The following PRCC variants were observed in gnomAD, a reference collection of about 807,000 sequenced individuals.
The protein encoded by PRCC is proline rich mitotic checkpoint control factor.
Under a neutral mutation model 44.0 loss-of-function variants are expected in PRCC, and 10 were observed. The observed-to-expected ratio is 0.23, with a 90% CI of 0.14 to 0.39. The LOEUF (loss-of-function observed/expected upper bound fraction) is 0.39, where lower values mean the gene tolerates loss of function less well. PRCC is among the 10% of genes least tolerant of loss of function. The pLI is 1.00. For synonymous variants in PRCC, 278 were observed against 259.5 expected, an observed-to-expected ratio of 1.07 and a Z score of -0.69; for missense variants, 573 against 624.7, an observed-to-expected ratio of 0.92 and a Z score of 0.88.
At position 156,798,615 on chromosome 1, in the gene PRCC, C is replaced by T. The variant is rs560201946; in HGVS notation, c.1389+1274C>T. Among the ~76,000 whole-genome samples, 129 of 152,054 alleles carry T rather than the reference C, an allele frequency of 8.5e-4. 1 individual carries two copies. Among genetic ancestry groups the T allele is most frequent in the South Asian group, 3.7e-3 (18 of 4,808 alleles). On this transcript the variant is annotated intron_variant, in intron 6 of 6. Coordinates refer to ENST00000271526, the MANE Select transcript of PRCC (RefSeq NM_005973.5). ...CTCACGCCTGTAATCCCAGCACTTT[C>T]GGAGGCTGAGGCGGGCGGATCACGA...
At chr1:156,795,821 T>G (rs1199920686) in intron 5 of PRCC, 2 of 152,266 alleles carry the variant, frequency 1.3e-5, no homozygotes, top group Non-Finnish European at 2.9e-5. Context: ...TGATGAACAT[T>G]TCTTCACCTA....
chr1:156,768,026 C>T lies in PRCC; in HGVS notation c.255C>T (p.Phe85=). ...PRLQPPPPLP[F]GLGGFPPPPG... ...TTCAGCCTCCTCCCCCCTTGCCCTT[C>T]GGCCTGGGAGGCTTCCCCCCACCTC... The change falls in exon 1 of 7, where the codon TTC becomes TTT. Residue 85 remains phenylalanine (F), a synonymous_variant. Coordinates refer to ENST00000271526, the MANE Select transcript of PRCC (RefSeq NM_005973.5). 1.9e-6 allele frequency: 3 copies of T among 1,571,020 alleles called. No individual in the cohort carries two copies. Among genetic ancestry groups the T allele is most frequent in the Non-Finnish European group, 1.7e-6 (2 of 1,156,886 alleles).
rs141836179 is a variant in PRCC, at chr1:156,781,023, C to T, written c.469-1259C>T. Among the ~76,000 whole-genome samples, 450 of 152,274 alleles carry T rather than the reference C, an allele frequency of 3.0e-3. 3 individuals are homozygous for T. The highest frequency in any genetic ancestry group is 9.6e-3 in the African/African-American group (401 of 41,556). On this transcript the variant is annotated intron_variant, in intron 1 of 6. Coordinates refer to ENST00000271526, the MANE Select transcript of PRCC (RefSeq NM_005973.5). ...AGTTACAGGTGTGAGCCACTGCGCCCGGCCTTATACTACCTTTTATTACAG... is the reference window on the plus strand; with the variant it reads ...AGTTACAGGTGTGAGCCACTGCGCCTGGCCTTATACTACCTTTTATTACAG...
intron 5 of PRCC, 39 bp downstream of exon 5, chr1:156,794,847 G>C: frequency 6.2e-7 from 1 of 1,610,818 alleles, no homozygotes; most frequent in South Asian, 1.1e-5. Flanking sequence ...AGCTTGGGAA[G>C]CTGCAAAGCA....
chr1:156,784,420 G>T (rs963713853), intron 2 of PRCC, among the ~76,000 whole-genome samples: 10 of 152,166 alleles, frequency 6.6e-5, no homozygotes, highest in African/African-American at 2.4e-4. Context: ...CAGGTGGTAG[G>T]AAGAAATGAG....
In PRCC at chr1:156,767,949, C is replaced by G; in HGVS notation, c.178C>G (p.Pro60Ala). 6.3e-7 allele frequency: 1 copy of G among 1,583,846 alleles called. No homozygotes were observed. Among genetic ancestry groups the G allele is most frequent in the Non-Finnish European group, 8.6e-7 (1 of 1,165,026 alleles). ...LLPPPPQMLA[P>A]AFPPPLLLPP... is the part of the protein sequence containing the mutation. Reference sequence around the variant, plus strand: ...GCCTCCGCCCCCTCAGATGCTGGCGCCAGCCTTTCCCCCGCCGCTGTTGCT... The same window carrying G: ...GCCTCCGCCCCCTCAGATGCTGGCGGCAGCCTTTCCCCCGCCGCTGTTGCT... The change falls in exon 1 of 7, where the codon CCA becomes GCA. Residue 60 changes from proline to alanine, a missense_variant. This residue lies in a region of PRCC where 245 missense variants were observed against 188.5 expected (regional missense o/e 1.30). Coordinates refer to ENST00000271526, the MANE Select transcript of PRCC (RefSeq NM_005973.5).
rs1324173475 is a variant in PRCC, at chr1:156,768,159, G to C, written c.388G>C (p.Gly130Arg). 34 of 1,555,730 alleles carry C rather than the reference G, an allele frequency of 2.2e-5. No individual in the cohort carries two copies. The highest frequency in any genetic ancestry group is 2.5e-5 in the Non-Finnish European group (29 of 1,150,184). Residue 130 changes from glycine (G) to arginine (R), a missense_variant, in exon 1 of 7, where the codon GGT becomes CGT. By Grantham distance (125) the Gly-to-Arg change is moderately radical (BLOSUM62 -2). Coordinates refer to ENST00000271526, the MANE Select transcript of PRCC (RefSeq NM_005973.5). ...TCTGCCCCCTCCAATTGGCGGTGCCGGTCCCCCGCTGGGGCTTCCCAAGCC... is the reference window on the plus strand; with the variant it reads ...TCTGCCCCCTCCAATTGGCGGTGCCCGTCCCCCGCTGGGGCTTCCCAAGCC... Reference protein sequence around the residue: ...LNLPPPIGGAGPPLGLPKPKK... With the variant: ...LNLPPPIGGARPPLGLPKPKK...
intron 1 of PRCC, among the ~76,000 whole-genome samples, chr1:156,777,485 C>A (rs938481164): frequency 1.3e-5 from 2 of 151,908 alleles, no homozygotes; most frequent in Non-Finnish European, 2.9e-5. Flanking sequence ...TTCCTTTATC[C>A]CCCACATTTA....
chr1:156,792,702 G>A (rs949922564), intron 4 of PRCC, among the ~76,000 whole-genome samples: 2 of 152,102 alleles, frequency 1.3e-5, no homozygotes, highest in African/African-American at 4.8e-5. Flanking sequence ...TGATCAGCCC[G>A]TCTCAGCCTC....
In PRCC at chr1:156,767,741, C is replaced by T. The variant is rs746645613; in HGVS notation, c.-31C>T. ...CCGGTCTCAAGTAGGCCTCATCTGCCGGCAAGGGCGCCCGAAACGCGGGAG... is the reference window on the plus strand; with the variant it reads ...CCGGTCTCAAGTAGGCCTCATCTGCTGGCAAGGGCGCCCGAAACGCGGGAG... On this transcript the variant is annotated 5_prime_UTR_variant, in exon 1 of 7. Coordinates refer to ENST00000271526, the MANE Select transcript of PRCC (RefSeq NM_005973.5). 1.3e-6 allele frequency: 2 copies of T among 1,554,866 alleles called. No homozygotes were observed. The highest frequency in any genetic ancestry group is 1.7e-6 in the Non-Finnish European group (2 of 1,150,500).
chr1:156,791,346 G>A (rs1305654311), intron 3 of PRCC: 9 of 488,484 alleles, frequency 1.8e-5, no homozygotes. Flanking sequence ...AGCAGGAGGA[G>A]CAGGGCTGAG....
rs1048230098 is a variant in PRCC, at chr1:156,767,562, G to C, written c.-210G>C. ...CCATTAGCTGTGTGTAGTTGCCCGG[G>C]ACTAGGAGCTTAAGTGAAGAGGTAC... On this transcript the variant is annotated 5_prime_UTR_variant, in exon 1 of 7. Transcript: ENST00000271526. 1.7e-6 allele frequency: 1 copy of C among 589,856 alleles called. No individual in the cohort carries two copies. Among genetic ancestry groups the C allele is most frequent in the Non-Finnish European group, 3.0e-6 (1 of 336,100 alleles). 36.5% of individuals were successfully genotyped at this position (589,856 alleles called of 1,614,324 possible).
chr1:156,767,999 G>A lies in PRCC; in HGVS notation c.228G>A (p.Arg76=), dbSNP rs377700073. The change falls in exon 1 of 7, where the codon AGG becomes AGA. Residue 76 remains arginine, a synonymous_variant. Coordinates refer to ENST00000271526, the MANE Select transcript of PRCC (RefSeq NM_005973.5). ...TTCCCCCACCCACCGGAGACCCCAG[G>A]CTTCAGCCTCCTCCCCCCTTGCCCT... ...LLLPPPTGDP[R]LQPPPPLPFG... The A allele has an allele frequency of 4.1e-4, 647 of 1,573,538 alleles. 4 individuals carry two copies. The Middle Eastern group carries it at 7.1e-3, about 17-fold the overall frequency.
chr1:156,791,654 T>C, intron 3 of PRCC, 43 bp from the exon 4 acceptor site: 1 of 1,568,568 alleles, frequency 6.4e-7, no homozygotes, highest in Non-Finnish European at 8.7e-7. Flanking sequence ...CCTCTCCAAC[T>C]GTGCCCTCAG....
chr1:156,800,344 A>T (rs1652794165), intron 6 of PRCC, 30 bp from the exon 7 acceptor site: 2 of 1,606,308 alleles, frequency 1.2e-6, no homozygotes, highest in East Asian at 2.2e-5. Context: ...TTCCAGTTTG[A>T]CCCTCCCCTA....
rs200228818 is a variant in PRCC at position 156,767,868 on chromosome 1, C to T, written c.97C>T (p.Pro33Ser). The part of the protein sequence containing the change: ...EEEAVAPTSG[P>S]ALGGLFASLP... ...GGAGGCGGTGGCTCCTACATCTGGG[C>T]CCGCTTTAGGGGGCTTGTTCGCTTC... Residue 33 changes from proline (P) to serine (S), a missense_variant, in exon 1 of 7, where the codon CCC becomes TCC. Pro to Ser is a moderately conservative substitution (Grantham distance 74, BLOSUM62 -1). Transcript: ENST00000271526. 17 of 1,607,638 alleles carry T rather than the reference C, an allele frequency of 1.1e-5. No individual in the cohort carries two copies. In the East Asian group the frequency reaches 1.8e-4, roughly 17 times the overall value.
chr1:156,781,546 G>T (rs937402820), intron 1 of PRCC, among the ~76,000 whole-genome samples: 7 of 152,198 alleles, frequency 4.6e-5, no homozygotes, highest in Non-Finnish European at 1.0e-4. Context: ...TTGACTTGAA[G>T]GTGCCAAGGA....
At chr1:156,793,234 T>C (rs1652552306) in intron 4 of PRCC, among the ~76,000 whole-genome samples, 1 of 152,212 alleles carries the variant, frequency 6.6e-6, no homozygotes. Context: ...TTGGTTTCTT[T>C]GGGAACCAAC....
intron 4 of PRCC, among the ~76,000 whole-genome samples, chr1:156,792,522 A>G (rs1273347565): frequency 6.6e-6 from 1 of 152,114 alleles, no homozygotes; most frequent in African/African-American, 2.4e-5. Flanking sequence ...ATCTCAGCTC[A>G]CTGCAACCTC....
Sources: gnomAD v4.1 joint callset for allele counts (sites outside exome capture counted in the v4.1 genomes callset) on GRCh38, gnomAD v4.1.1 for gene constraint, gnomAD v4.1.1 regional missense constraint, MANE v1.5 for transcripts, NCBI Gene and HGNC (gene_info 2026-07-23, HGNC 2026-07-21) for gene names.